The following MAD2L2 variants were observed in gnomAD, a reference collection of about 807,000 sequenced individuals.
MAD2L2 encodes the protein mitotic spindle assembly checkpoint protein MAD2B.
In MAD2L2, 17 loss-of-function variants were observed where a neutral mutation model predicts 30.5. The observed-to-expected ratio is 0.56, with a 90% CI of 0.38 to 0.84. The LOEUF (loss-of-function observed/expected upper bound fraction) is 0.84, where lower values mean the gene tolerates loss of function less well. MAD2L2 is among the 40% of genes least tolerant of loss of function. The pLI, the probability that MAD2L2 is intolerant of heterozygous loss-of-function variation, is 0.00. For missense variants in MAD2L2, 213 were observed against 277.4 expected, an observed-to-expected ratio of 0.77 and a Z score of 1.65; for synonymous variants, 101 against 113.9, an observed-to-expected ratio of 0.89 and a Z score of 0.72.
At position 11,675,629 on chromosome 1, in the gene MAD2L2, C is replaced by T. The variant is rs371168357; in HGVS notation, c.501+29G>A. Reference sequence around the variant, plus strand: ...TGCGACATCACGTTTCTAGAGCCTGCGCCCAGACCCAGACCCATCTCATCT... The same window carrying T: ...TGCGACATCACGTTTCTAGAGCCTGTGCCCAGACCCAGACCCATCTCATCT... On this transcript the variant is annotated intron_variant, in intron 7 of 8. Coordinates refer to ENST00000376692, the MANE Select transcript of MAD2L2 (RefSeq NM_006341.4). 2.5e-6 allele frequency: 4 copies of T among 1,607,022 alleles called. No individual in the cohort carries two copies. In the South Asian group the frequency reaches 4.4e-5, roughly 18 times the overall value.
chr1:11,675,757 G>A (rs748581928), intron 6 of MAD2L2, 26 bp from the exon 7 acceptor site: 1 of 1,596,226 alleles, frequency 6.3e-7, no homozygotes, highest in East Asian at 2.2e-5. Flanking sequence ...GTTGGTGGAG[G>A]CTCCCCCACC....
At chr1:11,686,698 C>T (rs1256802661) in intron 1 of MAD2L2, among the ~76,000 whole-genome samples, 1 of 151,744 alleles carries the variant, frequency 6.6e-6, no homozygotes, top group Admixed American at 6.6e-5. Context: ...CCACTGCGCC[C>T]GGCCCAGAGA....
In MAD2L2 at chr1:11,674,871, TGGAG is replaced by T; in HGVS notation, c.595-59_595-56del. 6.3e-7 allele frequency: 1 copy of T among 1,598,502 alleles called. No homozygotes were observed. Among genetic ancestry groups the T allele is most frequent in the Non-Finnish European group, 8.6e-7 (1 of 1,166,540 alleles). On this transcript the variant is annotated intron_variant, in intron 8 of 8. Transcript: ENST00000376692. This position sits in a 1 kb window ranked among gnomAD's most constrained non-coding sequence, Gnocchi z 6.1. ...AGCAAGACAGCCAGGGCATCCCTGC[TGGAG>T]GACACAGAAGCCCCTGGTGGGCAGA...
intron 3 of MAD2L2, among the ~76,000 whole-genome samples, chr1:11,679,121 G>A (rs1278944637): frequency 4.6e-5 from 7 of 152,118 alleles, no homozygotes; most frequent in Admixed American, 4.6e-4. Flanking sequence ...CCAAGATCAC[G>A]CCACTGCACT....
At chr1:11,691,366 C>T (rs1159914718) in intron 1 of MAD2L2, 1 of 152,228 alleles carries the variant, frequency 6.6e-6, no homozygotes, top group Non-Finnish European at 1.5e-5. Context: ...GCCGGAGCCC[C>T]TCCCGTCCCA....
At chr1:11,677,646 C>T in intron 3 of MAD2L2, 32 bp from the exon 4 acceptor site, 1 of 1,588,818 alleles carries the variant, frequency 6.3e-7, no homozygotes, top group Non-Finnish European at 8.6e-7. Context: ...TCGTGAGGCC[C>T]AAAGCACAGA....
At chr1:11,685,958 TAAAC>T (rs1467165158), upstream of MAD2L2, among the ~76,000 whole-genome samples, 4 of 152,128 alleles carry the variant, frequency 2.6e-5, no homozygotes, top group African/African-American at 7.2e-5. Flanking sequence ...TCTCAAAAAA[TAAAC>T]AAATAAATAA....
chr1:11,676,997 T>G, intron 4 of MAD2L2, 49 bp from the exon 5 acceptor site: 1 of 1,318,166 alleles, frequency 7.6e-7, no homozygotes, highest in Non-Finnish European at 1.1e-6. Flanking sequence ...CCACCCCGAC[T>G]ACACCACCCT....
chr1:11,684,748 G>A (rs189306878), upstream of MAD2L2, among the ~76,000 whole-genome samples: 4 of 152,220 alleles, frequency 2.6e-5, no homozygotes, highest in Admixed American at 6.5e-5. Context: ...AGGTTCCCAG[G>A]ACACCAATCA....
upstream of MAD2L2, among the ~76,000 whole-genome samples, chr1:11,684,852 T>C (rs939862797): frequency 6.6e-6 from 1 of 151,700 alleles, no homozygotes. Flanking sequence ...GTTGCAATGC[T>C]CCGGGGCAGG....
chr1:11,677,255 A>G (rs749426666), intron 4 of MAD2L2: 2 of 596,994 alleles, frequency 3.4e-6, no homozygotes, highest in African/African-American at 1.9e-5. Context: ...CGTGGAGAAC[A>G]GGGGACGGAT....
In MAD2L2 at chr1:11,680,605, TC is replaced by T. The variant is rs1365396888; in HGVS notation, c.-5del. The T allele has an allele frequency of 6.4e-7, 1 of 1,563,672 alleles. No individual in the cohort carries two copies. The highest frequency in any genetic ancestry group is 8.7e-7 in the Non-Finnish European group (1 of 1,151,774). On this transcript the variant is annotated 5_prime_UTR_variant, in exon 2 of 9. Transcript: ENST00000376692. The stretch of plus-strand genomic sequence containing the variant: ...CTTGTCGTGTGAGCGTGGTCATCCT[TC>T]CCGCTACCTGAGTGTTGGGGCAAGG...
chr1:11,678,068 A>AC (rs1260300993), intron 3 of MAD2L2, among the ~76,000 whole-genome samples: 1 of 150,920 alleles, frequency 6.6e-6, no homozygotes, highest in Non-Finnish European at 1.5e-5. Flanking sequence ...AAAAAAAAAA[A>AC]AAAAACCAGA....
At chr1:11,686,117 G>A (rs1640951200), upstream of MAD2L2, among the ~76,000 whole-genome samples, 1 of 152,114 alleles carries the variant, frequency 6.6e-6, no homozygotes, top group Admixed American at 6.5e-5. Context: ...ACCATCCTTA[G>A]CGGCATCCCC....
At chr1:11,689,078 C>T (rs907513434) in intron 1 of MAD2L2, among the ~76,000 whole-genome samples, 1 of 152,118 alleles carries the variant, frequency 6.6e-6, no homozygotes, top group African/African-American at 2.4e-5. Context: ...GGCAGATTGC[C>T]TGGGGTCAGG....
chr1:11,679,951 G>A (rs749581046), intron 3 of MAD2L2, among the ~76,000 whole-genome samples: 35 of 150,288 alleles, frequency 2.3e-4, no homozygotes, highest in Non-Finnish European at 4.6e-4. Context: ...GCAGGGCCCT[G>A]CGGAATGAGG....
At chr1:11,691,704 C>T (rs1641071616), upstream of MAD2L2, 1 of 143,178 alleles carries the variant, frequency 7.0e-6, no homozygotes, top group Admixed American at 6.9e-5. Flanking sequence ...ACTCCCCCTT[C>T]CTTCCAGTCC....
chr1:11,683,349 CTG>C (rs1354403849), upstream of MAD2L2, among the ~76,000 whole-genome samples: 1 of 152,226 alleles, frequency 6.6e-6, no homozygotes, highest in East Asian at 1.9e-4. Context: ...CTTGGGGAAA[CTG>C]AGGTCCCAAC....
upstream of MAD2L2, among the ~76,000 whole-genome samples, chr1:11,682,825 A>G (rs554733617): frequency 2.0e-5 from 3 of 152,136 alleles, no homozygotes; most frequent in Non-Finnish European, 2.9e-5. Flanking sequence ...GGGATGGATG[A>G]TTTTGTTTTA....
Sources: gnomAD v4.1 joint callset for allele counts (sites outside exome capture counted in the v4.1 genomes callset) on GRCh38, gnomAD v4.1.1 for gene constraint, Gnocchi (gnomAD v3.1) non-coding constraint, MANE v1.5 for transcripts, NCBI Gene and HGNC (gene_info 2026-07-23, HGNC 2026-07-21) for gene names.